MAML3: variants seen among roughly 807,000 people sequenced by gnomAD.
MAML3 encodes the protein mastermind-like protein 3.
Under a neutral mutation model 101.9 loss-of-function variants are expected in MAML3, and 27 were observed. The observed-to-expected ratio is 0.27, with a 90% CI of 0.20 to 0.37. MAML3 has a LOEUF of 0.37. MAML3 is among the 10% of genes least tolerant of loss of function. The pLI, the probability that MAML3 is intolerant of heterozygous loss-of-function variation, is 1.00. For synonymous variants in MAML3, 501 were observed against 555.9 expected, an observed-to-expected ratio of 0.90 and a Z score of 1.39; for missense variants, 1,316 against 1,444.9, an observed-to-expected ratio of 0.91 and a Z score of 1.45.
intron 1 of MAML3, among the ~76,000 whole-genome samples, chr4:139,983,250 G>A (rs557154853): frequency 7.0e-4 from 106 of 152,194 alleles, no homozygotes; most frequent in African/African-American, 2.4e-3. Context: ...CCTGTGCTTC[G>A]CCTATTCAAT....
chr4:140,125,258 G>A (rs62345607), intron 1 of MAML3, among the ~76,000 whole-genome samples: 4,572 of 152,040 alleles, frequency 0.03, 88 homozygotes, highest in Non-Finnish European at 0.045. Flanking sequence ...AAACAATGAA[G>A]AATTCACCAC....
intron 2 of MAML3, among the ~76,000 whole-genome samples, chr4:139,823,907 A>T (rs2111125388): frequency 6.6e-6 from 1 of 152,036 alleles, no homozygotes. Flanking sequence ...AGCAATTGAT[A>T]GGTCTGCAGG....
chr4:139,974,052 A>T (rs1734275674), intron 1 of MAML3, among the ~76,000 whole-genome samples: 1 of 151,962 alleles, frequency 6.6e-6, no homozygotes, highest in Non-Finnish European at 1.5e-5. Context: ...ACGGCCTACA[A>T]CGTTCCTTTA....
chr4:140,062,887 G>T lies in MAML3; in HGVS notation c.468+89973C>A, dbSNP rs557660832. Among the ~76,000 whole-genome samples the T allele has an allele frequency of 1.8e-4, 28 of 152,320 alleles. 1 individual carries two copies. The South Asian group carries it at 5.8e-3, about 32-fold the overall frequency. ...AGTCTACTCATCAGGAGAAGAGGTT[G>T]CTGGATACTGAATTCTGGTCGATAA... On this transcript the variant is annotated intron_variant, in intron 1 of 4. Coordinates refer to ENST00000509479, the MANE Select transcript of MAML3 (RefSeq NM_018717.5).
chr4:140,140,252 A>T (rs1263570119), intron 1 of MAML3, among the ~76,000 whole-genome samples: 1 of 152,174 alleles, frequency 6.6e-6, no homozygotes, highest in Non-Finnish European at 1.5e-5. Flanking sequence ...TGAACCCAGG[A>T]GGCAGAGGTT....
At chr4:140,071,723 C>G (rs1424934586) in intron 1 of MAML3, among the ~76,000 whole-genome samples, 1 of 142,450 alleles carries the variant, frequency 7.0e-6, no homozygotes, top group Non-Finnish European at 1.5e-5. Flanking sequence ...CACAGAAAAT[C>G]TTTACACTTA....
chr4:139,996,373 T>C (rs992299781), intron 1 of MAML3, among the ~76,000 whole-genome samples: 17 of 152,308 alleles, frequency 1.1e-4, no homozygotes, highest in African/African-American at 3.8e-4. Flanking sequence ...AATCTTTGAC[T>C]AGTGTTGTTG....
chr4:140,020,964 G>A (rs1250370005), intron 1 of MAML3, among the ~76,000 whole-genome samples: 1 of 152,172 alleles, frequency 6.6e-6, no homozygotes, highest in Non-Finnish European at 1.5e-5. Flanking sequence ...AACTGCCAGT[G>A]AAACAAACTG....
chr4:140,109,513 A>G (rs1445213944), intron 1 of MAML3, among the ~76,000 whole-genome samples: 2 of 152,194 alleles, frequency 1.3e-5, no homozygotes, highest in Non-Finnish European at 2.9e-5. Context: ...TCAAGGGGGA[A>G]GCAGAAAGGC....
chr4:139,887,618 G>A (rs918181235), intron 2 of MAML3, among the ~76,000 whole-genome samples: 1 of 152,212 alleles, frequency 6.6e-6, no homozygotes, highest in Non-Finnish European at 1.5e-5. Flanking sequence ...CATTTAGTGG[G>A]GGTGAGGATA....
At chr4:139,925,584 C>T (rs1429658825) in intron 1 of MAML3, among the ~76,000 whole-genome samples, 6 of 152,026 alleles carry the variant, frequency 3.9e-5, no homozygotes, top group Admixed American at 2.0e-4. Flanking sequence ...AGGTGTTGTC[C>T]AAAAACTGAG....
chr4:140,054,381 A>G (rs982868529), intron 1 of MAML3, among the ~76,000 whole-genome samples: 4 of 151,730 alleles, frequency 2.6e-5, no homozygotes, highest in Admixed American at 2.6e-4. Flanking sequence ...AAAAAAAAAA[A>G]AAAGAAAAGA....
intron 2 of MAML3, among the ~76,000 whole-genome samples, chr4:139,886,381 T>G (rs926418262): frequency 6.6e-6 from 1 of 152,170 alleles, no homozygotes; most frequent in Admixed American, 6.5e-5. Context: ...ACATGTATGA[T>G]AGAAAGTTTA....
intron 1 of MAML3, among the ~76,000 whole-genome samples, chr4:139,894,011 C>A (rs1260667184): frequency 2.0e-5 from 3 of 152,070 alleles, no homozygotes; most frequent in Non-Finnish European, 4.4e-5. Context: ...CGGGTACTCT[C>A]TTATTCTTGG....
intron 2 of MAML3, among the ~76,000 whole-genome samples, chr4:139,809,236 A>G (rs941366666): frequency 3.3e-5 from 5 of 152,204 alleles, no homozygotes; most frequent in Admixed American, 1.3e-4. Context: ...GCCAGAACTT[A>G]AGGTAGGCAA....
At chr4:140,067,890 C>T (rs139463290) in intron 1 of MAML3, among the ~76,000 whole-genome samples, 3,549 of 152,160 alleles carry the variant, frequency 0.023, 121 homozygotes, top group African/African-American at 0.079. Flanking sequence ...TATGCCACCA[C>T]GCCCGGCTAA....
At chr4:140,055,052 C>T (rs1727330375) in intron 1 of MAML3, among the ~76,000 whole-genome samples, 2 of 152,202 alleles carry the variant, frequency 1.3e-5, no homozygotes, top group Non-Finnish European at 2.9e-5. Flanking sequence ...GTCTGACCAT[C>T]TGTCAGGGAT....
intron 1 of MAML3, among the ~76,000 whole-genome samples, chr4:140,087,395 G>A (rs1168724073): frequency 3.9e-5 from 6 of 152,178 alleles, no homozygotes; most frequent in Non-Finnish European, 7.3e-5. Flanking sequence ...TGTTATTTGG[G>A]AATTTGCACT....
At chr4:139,806,371 T>C (rs536467359) in intron 2 of MAML3, among the ~76,000 whole-genome samples, 117 of 152,262 alleles carry the variant, frequency 7.7e-4, no homozygotes, top group African/African-American at 2.7e-3. Flanking sequence ...TCTTAACAGA[T>C]GTTCAGTCTC....
Sources: gnomAD v4.1 joint callset for allele counts (sites outside exome capture counted in the v4.1 genomes callset) on GRCh38, gnomAD v4.1.1 for gene constraint, MANE v1.5 for transcripts, NCBI Gene and HGNC (gene_info 2026-07-23, HGNC 2026-07-21) for gene names.